The following PRKN variants were observed in gnomAD, a reference collection of about 807,000 sequenced individuals.
PRKN encodes the protein parkin RBR E3 ubiquitin protein ligase, also known as E3 ubiquitin-protein ligase parkin.
A neutral mutation model predicts 59.5 loss-of-function variants in PRKN; 56 were observed. The observed-to-expected ratio is 0.94, with a 90% CI of 0.76 to 1.18. PRKN has a LOEUF of 1.18. PRKN is among the 50% of genes most tolerant of loss of function. PRKN has a pLI of 0.00. For synonymous variants in PRKN, 250 were observed against 222.1 expected, an observed-to-expected ratio of 1.13 and a Z score of -1.12; for missense variants, 657 against 596.4, an observed-to-expected ratio of 1.10 and a Z score of -1.06.
chr6:162,388,230 C>A (rs1372309950), intron 2 of PRKN, among the ~76,000 whole-genome samples: 2 of 152,040 alleles, frequency 1.3e-5, no homozygotes, highest in Non-Finnish European at 2.9e-5. Flanking sequence ...GGGGCTAGGC[C>A]GAGGAAGGCG....
At chr6:161,904,595 G>A (rs973597340) in intron 6 of PRKN, among the ~76,000 whole-genome samples, 1 of 152,140 alleles carries the variant, frequency 6.6e-6, no homozygotes. Flanking sequence ...GATTACAGGC[G>A]TAAGCCACTG....
rs922798233 is a variant in PRKN, at chr6:161,546,988, C to A, written c.1083+1866G>T. On this transcript the variant is annotated intron_variant, in intron 9 of 11. Transcript: ENST00000366898. This position sits in a 1 kb window ranked among gnomAD's most constrained non-coding sequence, Gnocchi z 4.4. Reference sequence around the variant, plus strand: ...AGATCTTCCAGCCCCAGTTAAGCCTCCAGATAACTGTGACCCTGCTAAACT... The same window carrying A: ...AGATCTTCCAGCCCCAGTTAAGCCTACAGATAACTGTGACCCTGCTAAACT... Among the ~76,000 whole-genome samples the A allele has an allele frequency of 6.6e-6, 1 of 152,106 alleles. No homozygotes were observed. Among genetic ancestry groups the A allele is most frequent in the Non-Finnish European group, 1.5e-5 (1 of 68,018 alleles).
At position 161,480,523 on chromosome 6, in the gene PRKN, C is replaced by T. The variant is rs780938984; in HGVS notation, c.1083+68331G>A. On this transcript the variant is annotated intron_variant, in intron 9 of 11. Coordinates refer to ENST00000366898, the MANE Select transcript of PRKN (RefSeq NM_004562.3). The surrounding 1 kb of genome is among the most constrained non-coding windows in gnomAD (Gnocchi z 4.1). ...AATGCCAGAAGCGAGAGTTTGATTC[C>T]ATTGGTATTAATAACACTGCGATGA... Among the ~76,000 whole-genome samples the T allele has an allele frequency of 2.0e-4, 31 of 152,092 alleles. No individual in the cohort carries two copies. The highest frequency in any genetic ancestry group is 3.7e-4 in the Non-Finnish European group (25 of 68,028).
chr6:162,234,048 T>C (rs1000944478), intron 3 of PRKN, among the ~76,000 whole-genome samples: 11 of 152,192 alleles, frequency 7.2e-5, no homozygotes, highest in African/African-American at 2.4e-4. Context: ...AAATATGTGA[T>C]TTTGACACAT....
chr6:161,520,778 C>T (rs56085387), intron 9 of PRKN, among the ~76,000 whole-genome samples: 13,280 of 152,180 alleles, frequency 0.087, 696 homozygotes, highest in African/African-American at 0.15. Flanking sequence ...GATGAGTAGG[C>T]TTGACTTATG....
intron 7 of PRKN, among the ~76,000 whole-genome samples, chr6:161,684,461 C>T (rs1331745811): frequency 2.6e-5 from 4 of 152,020 alleles, no homozygotes; most frequent in African/African-American, 9.7e-5. Context: ...AGCCTTTCTC[C>T]CCAATTGACT....
At chr6:162,439,454 C>G (rs1789946902) in intron 2 of PRKN, among the ~76,000 whole-genome samples, 1 of 151,440 alleles carries the variant, frequency 6.6e-6, no homozygotes, top group Non-Finnish European at 1.5e-5. Context: ...TTCTTCAGTT[C>G]CACATCTGAG....
At position 161,497,036 on chromosome 6, in the gene PRKN, C is replaced by A. The variant is rs114963061; in HGVS notation, c.1083+51818G>T. Among the ~76,000 whole-genome samples the A allele has an allele frequency of 9.4e-3, 1,437 of 152,294 alleles. 28 individuals carry two copies. Among genetic ancestry groups the A allele is most frequent in the African/African-American group, 0.033 (1,361 of 41,568 alleles). ...CACTTTATAATGGCAGCCCTAGGAG[C>A]AAATACATCAAGGCAGAAAACCCGT... On this transcript the variant is annotated intron_variant, in intron 9 of 11. Coordinates refer to ENST00000366898, the MANE Select transcript of PRKN (RefSeq NM_004562.3). The surrounding 1 kb of genome is among the most constrained non-coding windows in gnomAD (Gnocchi z 4.6).
intron 2 of PRKN, among the ~76,000 whole-genome samples, chr6:162,340,085 C>T (rs1328433836): frequency 6.8e-6 from 1 of 147,024 alleles, no homozygotes; most frequent in Non-Finnish European, 1.5e-5. Context: ...ACTATTGTCC[C>T]ATGACCCTGC....
intron 7 of PRKN, among the ~76,000 whole-genome samples, chr6:161,719,075 G>A (rs2128184728): frequency 6.6e-6 from 1 of 152,154 alleles, no homozygotes. Context: ...AATGTTCCTT[G>A]AAGAAAAACT....
chr6:162,517,249 ATT>A (rs755649567), intron 1 of PRKN, among the ~76,000 whole-genome samples: 13 of 136,204 alleles, frequency 9.5e-5, no homozygotes, highest in South Asian at 2.4e-4. Flanking sequence ...GAACCCAGGC[ATT>A]TTTTTTTTTT....
intron 1 of PRKN, among the ~76,000 whole-genome samples, chr6:162,501,231 G>A (rs996991214): frequency 2.0e-5 from 3 of 152,080 alleles, no homozygotes; most frequent in Admixed American, 1.3e-4. Flanking sequence ...CTAAACTAGT[G>A]GAGTTTGGAT....
intron 7 of PRKN, among the ~76,000 whole-genome samples, chr6:161,696,354 C>G (rs997475687): frequency 1.3e-5 from 2 of 152,180 alleles, no homozygotes; most frequent in Admixed American, 6.5e-5. Context: ...CTAAAATCTG[C>G]TGAACAAATA....
At chr6:162,021,454 TATATA>T (rs1303421958) in intron 5 of PRKN, among the ~76,000 whole-genome samples, 4 of 7,364 alleles carry the variant, frequency 5.4e-4, no homozygotes, top group African/African-American at 1.3e-3. Flanking sequence ...TATATATATA[TATATA>T]TATTTTTTTT....
At chr6:161,850,001 G>A (rs902069337) in intron 6 of PRKN, among the ~76,000 whole-genome samples, 1 of 152,058 alleles carries the variant, frequency 6.6e-6, no homozygotes, top group Non-Finnish European at 1.5e-5. Flanking sequence ...AGAGTAAGCA[G>A]CCAATATACA....
intron 2 of PRKN, among the ~76,000 whole-genome samples, chr6:162,275,924 T>C (rs1780618149): frequency 6.6e-6 from 1 of 151,924 alleles, no homozygotes; most frequent in Non-Finnish European, 1.5e-5. Flanking sequence ...GGCGCAAGAG[T>C]CTTTGGTAGC....
At chr6:161,798,099 G>A (rs1790926975) in intron 6 of PRKN, among the ~76,000 whole-genome samples, 1 of 152,206 alleles carries the variant, frequency 6.6e-6, no homozygotes, top group Non-Finnish European at 1.5e-5. Flanking sequence ...TACTTGGGAG[G>A]CTAAGGCGGG....
chr6:162,523,723 T>G (rs1379424254), intron 1 of PRKN, among the ~76,000 whole-genome samples: 1 of 151,340 alleles, frequency 6.6e-6, no homozygotes, highest in African/African-American at 2.4e-5. Context: ...GGTCAAAAAA[T>G]CTATGAAGTT....
At chr6:162,250,732 C>G (rs542246769) in intron 3 of PRKN, among the ~76,000 whole-genome samples, 1 of 152,314 alleles carries the variant, frequency 6.6e-6, no homozygotes, top group African/African-American at 2.4e-5. Flanking sequence ...TTGTCTGAAA[C>G]TTCTCTGTAA....
Sources: gnomAD v4.1 joint callset for allele counts (sites outside exome capture counted in the v4.1 genomes callset) on GRCh38, gnomAD v4.1.1 for gene constraint, Gnocchi (gnomAD v3.1) non-coding constraint, MANE v1.5 for transcripts, NCBI Gene and HGNC (gene_info 2026-07-23, HGNC 2026-07-21) for gene names.